NTM: variants seen among roughly 807,000 people sequenced by gnomAD.
The protein encoded by NTM is IgLON family member 2.
Under a neutral mutation model 42.1 loss-of-function variants are expected in NTM, and 13 were observed. The ratio of observed to expected loss-of-function variants is 0.31; its 90% CI spans 0.20 to 0.49. The LOEUF is 0.49. Among genes scored for constraint, NTM ranks in the 20% least tolerant of loss-of-function variants. The pLI is 0.99. For missense variants in NTM, 373 were observed against 452.8 expected (o/e 0.82, Z 1.60); for synonymous variants, 187 against 179.2 (o/e 1.04, Z -0.35).
intron 7 of NTM, among the ~76,000 whole-genome samples, chr11:132,326,524 A>G (rs544392568): frequency 1.3e-5 from 2 of 152,316 alleles, no homozygotes; most frequent in South Asian, 2.1e-4. Context: ...TGGGCTGCTC[A>G]CTTCTCTCCT....
intron 2 of NTM, among the ~76,000 whole-genome samples, chr11:132,084,151 A>G (rs1386596022): frequency 6.6e-6 from 1 of 152,160 alleles, no homozygotes; most frequent in African/African-American, 2.4e-5. Context: ...TGCATTTGAC[A>G]GCACCTGTCA....
intron 1 of NTM, among the ~76,000 whole-genome samples, chr11:131,728,731 A>G (rs535800895): frequency 2.0e-5 from 3 of 151,812 alleles, no homozygotes; most frequent in Admixed American, 2.0e-4. Flanking sequence ...CCAATTCGTG[A>G]TCAACTTAAC....
intron 4 of NTM, among the ~76,000 whole-genome samples, chr11:132,288,822 T>C (rs936853680): frequency 1.3e-5 from 2 of 152,146 alleles, no homozygotes; most frequent in Non-Finnish European, 2.9e-5. Context: ...GGTTTCACCA[T>C]GTTGGCCAGG....
At chr11:131,565,956 A>G (rs1347348861) in intron 1 of NTM, among the ~76,000 whole-genome samples, 6 of 152,156 alleles carry the variant, frequency 3.9e-5, no homozygotes, top group African/African-American at 7.2e-5. Context: ...ATCAGCCCCA[A>G]ACTAGAAAAC....
At chr11:131,459,868 G>A (rs1305823639) in intron 1 of NTM, among the ~76,000 whole-genome samples, 2 of 152,160 alleles carry the variant, frequency 1.3e-5, no homozygotes, top group African/African-American at 2.4e-5. Flanking sequence ...GGGTGGATTA[G>A]TTATTAGCAT....
chr11:132,230,466 G>T (rs892089495), intron 4 of NTM, among the ~76,000 whole-genome samples: 1 of 152,152 alleles, frequency 6.6e-6, no homozygotes, highest in Non-Finnish European at 1.5e-5. Context: ...TGTGTCTGGC[G>T]GCATCAGCAG....
intron 2 of NTM, among the ~76,000 whole-genome samples, chr11:132,084,144 A>G (rs11530644): frequency 0.13 from 19,445 of 152,086 alleles, 1,386 homozygotes; most frequent in African/African-American, 0.2. Context: ...AGAAAACTGC[A>G]TTTGACAGCA....
intron 7 of NTM, among the ~76,000 whole-genome samples, chr11:132,319,235 C>G (rs568773022): frequency 2.0e-5 from 3 of 152,090 alleles, no homozygotes; most frequent in Non-Finnish European, 4.4e-5. Flanking sequence ...ACTGAGGTAC[C>G]GGGTTCATCT....
chr11:132,323,776 A>G (rs1470212975), intron 7 of NTM, among the ~76,000 whole-genome samples: 8 of 152,158 alleles, frequency 5.3e-5, no homozygotes, highest in African/African-American at 1.4e-4. Context: ...AAAATCCTCA[A>G]TAAAATACTG....
At chr11:131,857,553 C>T (rs568390216) in intron 1 of NTM, among the ~76,000 whole-genome samples, 43 of 152,256 alleles carry the variant, frequency 2.8e-4, no homozygotes, top group African/African-American at 9.1e-4. Context: ...GTTCTCTTTG[C>T]GTGTTCACAC....
chr11:132,283,266 T>C (rs2094075164), intron 4 of NTM, among the ~76,000 whole-genome samples: 1 of 152,168 alleles, frequency 6.6e-6, no homozygotes, highest in South Asian at 2.1e-4. Flanking sequence ...ATTATAGGCA[T>C]GAGCCACCGC....
rs185179687 is a variant in NTM at position 131,903,016 on chromosome 11, A to G, written c.83-8548A>G. Among the ~76,000 whole-genome samples the G allele has an allele frequency of 7.9e-5, 12 of 152,352 alleles. No individual in the cohort carries two copies. The East Asian group carries it at 2.3e-3, about 29-fold the overall frequency. On this transcript the variant is annotated intron_variant, in intron 1 of 8. Coordinates refer to ENST00000683400, the MANE Select transcript of NTM (RefSeq NM_001352005.2). ...ATAAAACACAGCAGGATGAGTCTAA[A>G]CCATGAAGTCCAGAAGAAACAAACA...
chr11:131,523,037 A>G (rs1272034492), intron 1 of NTM, among the ~76,000 whole-genome samples: 2 of 152,222 alleles, frequency 1.3e-5, no homozygotes, highest in Admixed American at 6.5e-5. Flanking sequence ...ACATGAAAGC[A>G]TCTACCACAT....
intron 1 of NTM, among the ~76,000 whole-genome samples, chr11:131,492,641 G>A (rs1954922121): frequency 6.6e-6 from 1 of 152,150 alleles, no homozygotes; most frequent in African/African-American, 2.4e-5. Context: ...ACAGAAGATG[G>A]ATTCAACACC....
chr11:131,991,664 C>T lies in NTM; in HGVS notation c.167+80016C>T, dbSNP rs115066878. ...GGACACAGGGAAAGAGTGACTTTTCCGCACTTAAAGGGCCTGGTAAGGATT... is the reference window on the plus strand; with the variant it reads ...GGACACAGGGAAAGAGTGACTTTTCTGCACTTAAAGGGCCTGGTAAGGATT... On this transcript the variant is annotated intron_variant, in intron 2 of 8. Transcript: ENST00000683400. Among the ~76,000 whole-genome samples, 1,092 of 151,458 alleles carry T rather than the reference C, an allele frequency of 7.2e-3. 9 individuals are homozygous for T. Among genetic ancestry groups the T allele is most frequent in the African/African-American group, 0.022 (912 of 41,260 alleles).
chr11:132,149,561 C>T (rs2071395795), intron 3 of NTM, among the ~76,000 whole-genome samples: 1 of 152,184 alleles, frequency 6.6e-6, no homozygotes, highest in Non-Finnish European at 1.5e-5. Flanking sequence ...GCACAAGCTG[C>T]TTCAGGTCTG....
At chr11:131,733,465 TC>T (rs2079965038) in intron 1 of NTM, among the ~76,000 whole-genome samples, 1 of 39,918 alleles carries the variant, frequency 2.5e-5, no homozygotes, top group African/African-American at 9.3e-5. Context: ...CTTCCTTCTT[TC>T]CTTCCTTCCT....
At chr11:131,614,066 C>T (rs540921381) in intron 1 of NTM, among the ~76,000 whole-genome samples, 1 of 152,222 alleles carries the variant, frequency 6.6e-6, no homozygotes, top group Non-Finnish European at 1.5e-5. Flanking sequence ...CCTGGGTGCA[C>T]CATGGGGCGG....
intron 1 of NTM, among the ~76,000 whole-genome samples, chr11:131,701,468 A>T (rs932088359): frequency 6.6e-6 from 1 of 152,162 alleles, no homozygotes; most frequent in African/African-American, 2.4e-5. Context: ...GGCATGGTAG[A>T]TGGGCAAAAA....
Sources: gnomAD v4.1 joint callset for allele counts (sites outside exome capture counted in the v4.1 genomes callset) on GRCh38, gnomAD v4.1.1 for gene constraint, MANE v1.5 for transcripts, NCBI Gene and HGNC (gene_info 2026-07-23, HGNC 2026-07-21) for gene names.